The following EML1 variants were observed in gnomAD, a reference collection of about 807,000 sequenced individuals.
EML1 encodes the protein echinoderm microtubule-associated protein-like 1.
A neutral mutation model predicts 110.4 loss-of-function variants in EML1; 27 were observed. The ratio of observed to expected loss-of-function variants is 0.24; its 90% CI spans 0.18 to 0.34. The LOEUF is 0.34. EML1 is among the 10% of genes least tolerant of loss of function. The probability of loss-of-function intolerance (pLI) is 1.00; values close to 1 mark genes in which losing one functional copy is unlikely to be tolerated. For synonymous variants in EML1, 344 were observed against 385.8 expected (o/e 0.89, Z 1.27); for missense variants, 741 against 1,030.9 (o/e 0.72, Z 3.85).
intron 9 of EML1, among the ~76,000 whole-genome samples, chr14:99,904,758 AAG>A (rs1280599685): frequency 6.6e-6 from 1 of 152,192 alleles, no homozygotes; most frequent in Non-Finnish European, 1.5e-5. Context: ...GAAACAAGAT[AAG>A]AGAGAAACTT....
At chr14:99,911,366 T>C (rs1413805365) in intron 12 of EML1, 56 bp from the exon 13 acceptor site, 1 of 1,529,384 alleles carries the variant, frequency 6.5e-7, no homozygotes, top group Admixed American at 2.5e-5. Context: ...GATTAGAAAA[T>C]GGGCAGAGGC....
chr14:99,894,633 A>T lies in EML1; in HGVS notation c.552A>T (p.Glu184Asp). The change falls in exon 6 of 22, where the codon GAA (glutamate) becomes GAT (aspartate). Residue 184 changes from glutamate (E) to aspartate (D), a missense_variant. This residue lies in a region of EML1 where 226 missense variants were observed against 255.6 expected (regional missense o/e 0.88). Transcript: ENST00000262233. ...KPKEPVFSAE[E>D]GYVKMFLRGR... ...AAATCTTTGTTCTTTTTGTAGAAGA[A>T]GGCTATGTAAAAATGTTTCTTCGTG... The T allele has an allele frequency of 1.9e-6, 3 of 1,611,682 alleles. No homozygotes were observed. Among genetic ancestry groups the T allele is most frequent in the Non-Finnish European group, 2.5e-6 (3 of 1,179,132 alleles).
intron 2 of EML1, 138 bp downstream of exon 2, chr14:99,851,173 A>T (rs1267053961): frequency 2.1e-6 from 2 of 950,188 alleles, no homozygotes; most frequent in African/African-American, 3.3e-5. Flanking sequence ...TAGCACTGTC[A>T]ACATAATCAC....
intron 1 of EML1, among the ~76,000 whole-genome samples, chr14:99,804,005 A>G (rs1317995543): frequency 6.6e-6 from 1 of 152,216 alleles, no homozygotes; most frequent in Non-Finnish European, 1.5e-5. Flanking sequence ...AGGGGACTGT[A>G]TGGAGCTATA....
intron 2 of EML1, among the ~76,000 whole-genome samples, chr14:99,851,575 G>A (rs1162539607): frequency 6.6e-6 from 1 of 152,164 alleles, no homozygotes; most frequent in Non-Finnish European, 1.5e-5. Context: ...CCAAAGTGCT[G>A]GGATTACAGG....
intron 4 of EML1, among the ~76,000 whole-genome samples, chr14:99,890,968 A>C (rs567142683): frequency 6.6e-6 from 1 of 152,352 alleles, no homozygotes; most frequent in African/African-American, 2.4e-5. Flanking sequence ...TAAAAAGCAC[A>C]ACTTTGGTGA....
intron 19 of EML1, among the ~76,000 whole-genome samples, chr14:99,937,176 GGGAAA>G: frequency 6.6e-6 from 1 of 152,244 alleles, no homozygotes; most frequent in Non-Finnish European, 1.5e-5. Flanking sequence ...ACTGGCGGCA[GGGAAA>G]GCAGGGCAGT....
chr14:99,809,086 A>C (rs957382675), intron 1 of EML1, among the ~76,000 whole-genome samples: 28 of 152,318 alleles, frequency 1.8e-4, no homozygotes, highest in African/African-American at 6.7e-4. Context: ...TCATGTTAGC[A>C]TCCGTGTTGA....
At chr14:99,750,863 G>T (rs1266293540) in intron 1 of EML1, among the ~76,000 whole-genome samples, 4 of 152,102 alleles carry the variant, frequency 2.6e-5, no homozygotes, top group African/African-American at 9.7e-5. Context: ...AAGCATCCAT[G>T]GAAGGCTGGG....
intron 1 of EML1, among the ~76,000 whole-genome samples, chr14:99,739,089 T>TGTGTGTGTGA (rs1555385396): frequency 7.5e-6 from 1 of 133,934 alleles, no homozygotes; most frequent in African/African-American, 3.2e-5. Context: ...TGTGTGTGTG[T>TGTGTGTGTGA]GTGAGAGAGA....
chr14:99,854,652 C>T (rs756685211), intron 2 of EML1, among the ~76,000 whole-genome samples: 2 of 152,130 alleles, frequency 1.3e-5, no homozygotes, highest in Non-Finnish European at 2.9e-5. Flanking sequence ...TAGGAAGAAC[C>T]GGCTACCATA....
intron 1 of EML1, among the ~76,000 whole-genome samples, chr14:99,819,265 T>G (rs1373612530): frequency 1.3e-5 from 2 of 152,190 alleles, no homozygotes; most frequent in Non-Finnish European, 2.9e-5. Context: ...AGAACATGCT[T>G]TTAAATGTAA....
At chr14:99,791,182 T>A (rs193245451), upstream of EML1, among the ~76,000 whole-genome samples, 1 of 152,342 alleles carries the variant, frequency 6.6e-6, no homozygotes, top group Admixed American at 6.5e-5. Flanking sequence ...TGTTCTAACG[T>A]GCATGTACCT....
chr14:99,903,785 AT>A lies in EML1; in HGVS notation c.1008+2762del, dbSNP rs1211025934. Among the ~76,000 whole-genome samples the A allele has an allele frequency of 7.5e-3, 777 of 103,236 alleles. 5 individuals are homozygous for A. The highest frequency in any genetic ancestry group is 0.072 in the East Asian group (164 of 2,292). The allele number at this position is 103,236 out of a possible 152,430, so 67.7% of individuals were successfully genotyped here. On this transcript the variant is annotated intron_variant, in intron 9 of 21. Coordinates refer to ENST00000262233, the MANE Select transcript of EML1 (RefSeq NM_004434.3). Reference sequence around the variant, plus strand: ...CAAAATCTCATAGATAAATCTATTCATTTTTTTTTTTTTTTTGAGACAGAGT... The same window carrying A: ...CAAAATCTCATAGATAAATCTATTCATTTTTTTTTTTTTTTGAGACAGAGT...
chr14:99,809,878 ATGTATGG>A (rs1255346506), intron 1 of EML1, among the ~76,000 whole-genome samples: 1 of 152,164 alleles, frequency 6.6e-6, no homozygotes, highest in African/African-American at 2.4e-5. Flanking sequence ...ATATTGGCTA[ATGTATGG>A]TGTATGCCCT....
Position 99,937,927 on chromosome 14 carries a change from G to T in EML1, c.2191+15G>T. On this transcript the variant is annotated intron_variant, in intron 20 of 21. Coordinates refer to ENST00000262233, the MANE Select transcript of EML1 (RefSeq NM_004434.3). The stretch of plus-strand genomic sequence containing the variant: ...CCATGTTTTTGGTAAGTTTGCTGCA[G>T]ATTTCACTGGTTCCAACAAAAGAGT... 1 of 1,608,946 alleles carries T rather than the reference G, an allele frequency of 6.2e-7. No homozygotes were observed. Among genetic ancestry groups the T allele is most frequent in the Non-Finnish European group, 8.5e-7 (1 of 1,175,416 alleles).
intron 1 of EML1, among the ~76,000 whole-genome samples, chr14:99,785,528 G>A (rs1042005756): frequency 1.3e-5 from 2 of 152,200 alleles, no homozygotes; most frequent in African/African-American, 4.8e-5. Context: ...CCAGATGGGA[G>A]TCGCAGAAAA....
intron 4 of EML1, among the ~76,000 whole-genome samples, chr14:99,880,739 T>A (rs763997452): frequency 2.6e-5 from 4 of 152,334 alleles, no homozygotes; most frequent in Middle Eastern, 3.4e-3. Context: ...TGGGTGTGTA[T>A]CCAGTTCTGC....
Position 99,796,936 on chromosome 14 carries a change from T to TGTGTGTGAGA in EML1, c.67+3394_67+3395insTGTGTGAGAG, listed in dbSNP as rs368044152. ...GTGTGTGTGTGTGTGTGTGTGTGTG[T>TGTGTGTGAGA]GAGAGAGTAATAGCTTTATTGAAAT... is the stretch of plus-strand genomic sequence containing the variant. On this transcript the variant is annotated intron_variant, in intron 1 of 21. Transcript: ENST00000262233. 6.7e-4 allele frequency among the ~76,000 whole-genome samples: 100 copies of TGTGTGTGAGA among 150,144 alleles called. 2 individuals are homozygous for TGTGTGTGAGA. The highest frequency in any genetic ancestry group is 4.0e-3 in the South Asian group (19 of 4,722).
Sources: gnomAD v4.1 joint callset for allele counts (sites outside exome capture counted in the v4.1 genomes callset) on GRCh38, gnomAD v4.1.1 for gene constraint, gnomAD v4.1.1 regional missense constraint, MANE v1.5 for transcripts, NCBI Gene and HGNC (gene_info 2026-07-23, HGNC 2026-07-21) for gene names.